UNC80: variants seen among roughly 807,000 people sequenced by gnomAD.
The protein encoded by UNC80 is unc-80 subunit of NALCN channel complex, also known as protein unc-80 homolog.
UNC80 carries 164 observed loss-of-function variants against 384.6 expected under a neutral mutation model. The ratio of observed to expected loss-of-function variants is 0.43; its 90% confidence interval spans 0.38 to 0.49. UNC80 has a LOEUF of 0.49. Ranked by LOEUF, UNC80 falls within the 20% of genes least tolerant of loss-of-function variation. The pLI is 0.00. For missense variants in UNC80, 3,330 were observed against 4,143.0 expected (o/e 0.80, Z 5.39); for synonymous variants, 1,486 against 1,527.8 (o/e 0.97, Z 0.64).
intron 21 of UNC80, 95 bp from the exon 22 acceptor site, chr2:209,849,356 G>A: frequency 2.1e-6 from 3 of 1,399,706 alleles, no homozygotes; most frequent in Admixed American, 2.2e-5. Context: ...CAACACTGTA[G>A]AAAACACACT....
At chr2:209,838,069 C>T (rs1005407687) in intron 18 of UNC80, among the ~76,000 whole-genome samples, 4 of 152,074 alleles carry the variant, frequency 2.6e-5, no homozygotes, top group African/African-American at 9.7e-5. Context: ...CTGCGCCCGG[C>T]CTTGTACCTA....
rs547411847 is a variant in UNC80, at chr2:209,889,827, T to G, written c.4276+1567T>G. Among the ~76,000 whole-genome samples the G allele has an allele frequency of 2.0e-5, 3 of 152,294 alleles. No homozygotes were observed. The East Asian group carries it at 5.8e-4, about 29-fold the overall frequency. On this transcript the variant is annotated intron_variant, in intron 26 of 64. Transcript: ENST00000673920. ...CCTGCAAAGGACATGAACTCATCCT[T>G]TTTTATAGCTGCATAGTATTCCATG...
At chr2:209,927,366 A>G (rs2090517256) in intron 36 of UNC80, among the ~76,000 whole-genome samples, 1 of 152,212 alleles carries the variant, frequency 6.6e-6, no homozygotes. Context: ...CTAACTACCT[A>G]AAAAGAATAA....
rs1471809648 is a variant in UNC80 at position 209,997,159 on chromosome 2, C to T, written c.*1564C>T. The T allele has an allele frequency of 6.6e-6, 1 of 152,048 alleles. No homozygotes were observed. Among genetic ancestry groups the T allele is most frequent in the Admixed American group, 6.6e-5 (1 of 15,266 alleles). 9.4% of individuals were successfully genotyped at this position (152,048 alleles called of 1,614,324 possible). ...TATAACTTGGGGTTATGGTCCTATT[C>T]ACTAAGAGAATGAAAGATATCCATG... On this transcript the variant is annotated 3_prime_UTR_variant, in exon 65 of 65. Coordinates refer to ENST00000673920, the MANE Select transcript of UNC80 (RefSeq NM_001371986.1).
chr2:209,903,320 A>ATATGTGTG (rs1553582548), intron 28 of UNC80, among the ~76,000 whole-genome samples: 1,353 of 105,760 alleles, frequency 0.013, 39 homozygotes, highest in African/African-American at 0.047. Flanking sequence ...ATTATATTAT[A>ATATGTGTG]TGTGTGTGTG....
At chr2:209,972,811 A>G (rs990277501) in intron 55 of UNC80, among the ~76,000 whole-genome samples, 3 of 152,226 alleles carry the variant, frequency 2.0e-5, no homozygotes, top group African/African-American at 7.2e-5. Flanking sequence ...GCAAAAAGAA[A>G]GGAGATTGAA....
Position 209,912,674 on chromosome 2 carries a change from T to G in UNC80, c.4890+7T>G, listed in dbSNP as rs113342352. 1,153 of 1,534,392 alleles carry G rather than the reference T, an allele frequency of 7.5e-4. 6 individuals are homozygous for G. The African/African-American group carries it at 0.013, about 18-fold the overall frequency. ...GAAGTACATCAGACTTCAGGTATTGTTACCTGGATCAGAAGGATTCATGGA... is the reference window on the plus strand; with the variant it reads ...GAAGTACATCAGACTTCAGGTATTGGTACCTGGATCAGAAGGATTCATGGA... On this transcript the variant is annotated splice_region_variant and intron_variant, in intron 30 of 64. Transcript: ENST00000673920.
At chr2:209,919,215 C>T (rs868740173) in intron 33 of UNC80, among the ~76,000 whole-genome samples, 2 of 152,154 alleles carry the variant, frequency 1.3e-5, no homozygotes, top group South Asian at 2.1e-4. Context: ...CAAGAATATG[C>T]ACCTTTTGAA....
intron 23 of UNC80, among the ~76,000 whole-genome samples, chr2:209,877,166 A>G (rs2084853575): frequency 6.6e-6 from 1 of 152,104 alleles, no homozygotes; most frequent in Admixed American, 6.6e-5. Flanking sequence ...CTATTGTTGC[A>G]TGCAGTATAT....
At chr2:209,940,968 G>T (rs776386288) in intron 43 of UNC80, among the ~76,000 whole-genome samples, 1 of 152,162 alleles carries the variant, frequency 6.6e-6, no homozygotes, top group Non-Finnish European at 1.5e-5. Context: ...TGTTTATTTA[G>T]CAGTAAAACA....
At position 209,932,930 on chromosome 2, in the gene UNC80, C is replaced by T. The variant is rs185667762; in HGVS notation, c.5995-892C>T. ...GAGGGTTGGCCCTCCTTAGGGTGTC[C>T]AGCATTTAGAACACCAAAACAGATT... On this transcript the variant is annotated intron_variant, in intron 38 of 64. Transcript: ENST00000673920. Among the ~76,000 whole-genome samples, 273 of 152,020 alleles carry T rather than the reference C, an allele frequency of 1.8e-3. 1 individual carries two copies. The highest frequency in any genetic ancestry group is 6.3e-3 in the African/African-American group (260 of 41,452).
At position 209,995,311 on chromosome 2, in the gene UNC80, T is replaced by C. The variant is rs1175031017; in HGVS notation, c.9709-18T>C. The C allele has an allele frequency of 2.6e-6, 4 of 1,551,792 alleles. No homozygotes were observed. In the East Asian group the frequency reaches 9.8e-5, roughly 38 times the overall value. ...CCCATCCTATCTTTCCATAATGTTA[T>C]GATCCTTTTGATCACAGAGTGAGAA... On this transcript the variant is annotated intron_variant, in intron 64 of 64. Coordinates refer to ENST00000673920, the MANE Select transcript of UNC80 (RefSeq NM_001371986.1).
intron 26 of UNC80, among the ~76,000 whole-genome samples, 176 bp from the exon 27 acceptor site, chr2:209,893,987 A>G (rs756882959): frequency 1.3e-5 from 2 of 152,134 alleles, no homozygotes; most frequent in Non-Finnish European, 2.9e-5. Context: ...AATAAGCTGC[A>G]CCAGCCCTTC....
intron 7 of UNC80, among the ~76,000 whole-genome samples, chr2:209,805,867 A>G (rs1427147493): frequency 6.6e-6 from 1 of 152,176 alleles, no homozygotes; most frequent in African/African-American, 2.4e-5. Flanking sequence ...AGGGACCACA[A>G]TAGAATGTGA....
chr2:209,925,705 C>T (rs1441879261), intron 35 of UNC80, among the ~76,000 whole-genome samples: 4 of 152,092 alleles, frequency 2.6e-5, no homozygotes, highest in Admixed American at 2.6e-4. Context: ...CTGGTTGGTG[C>T]ATTTACAATC....
chr2:209,872,631 A>G lies in UNC80; in HGVS notation c.3628-127A>G. The G allele has an allele frequency of 2.3e-6, 2 of 855,488 alleles. No homozygotes were observed. The highest frequency in any genetic ancestry group is 3.6e-6 in the Non-Finnish European group (2 of 548,728). The allele number at this position is 855,488 out of a possible 1,614,324, so 53.0% of individuals were successfully genotyped here. On this transcript the variant is annotated intron_variant, in intron 22 of 64. Transcript: ENST00000673920. The surrounding 1 kb of genome is among the most constrained non-coding windows in gnomAD (Gnocchi z 4.1). ...CCATACTGACACCACCCTGGGAAAT[A>G]TGGCCAATATAAATCAAAACATGAA...
intron 33 of UNC80, among the ~76,000 whole-genome samples, chr2:209,921,081 G>C (rs2090004199): frequency 6.6e-6 from 1 of 152,132 alleles, no homozygotes; most frequent in African/African-American, 2.4e-5. Flanking sequence ...ACCCGCCTCA[G>C]CCTTCCAAAG....
chr2:209,960,450 A>G (rs1559399316), intron 51 of UNC80, among the ~76,000 whole-genome samples: 1 of 152,150 alleles, frequency 6.6e-6, no homozygotes, highest in East Asian at 1.9e-4. Flanking sequence ...CAGATTTGTA[A>G]TTGTTTGTTA....
chr2:209,983,799 A>G (rs2093216677), intron 60 of UNC80, among the ~76,000 whole-genome samples: 1 of 152,128 alleles, frequency 6.6e-6, no homozygotes, highest in Non-Finnish European at 1.5e-5. Flanking sequence ...TATTATACAT[A>G]TCTTGATTGT....
Sources: gnomAD v4.1 joint callset for allele counts (sites outside exome capture counted in the v4.1 genomes callset) on GRCh38, gnomAD v4.1.1 for gene constraint, Gnocchi (gnomAD v3.1) non-coding constraint, MANE v1.5 for transcripts, NCBI Gene and HGNC (gene_info 2026-07-23, HGNC 2026-07-21) for gene names.